TMX1: variants seen among roughly 807,000 people sequenced by gnomAD.
TMX1 encodes thioredoxin-related transmembrane protein 1.
TMX1 carries 25 observed loss-of-function variants against 36.6 expected under a neutral mutation model. That is an observed-to-expected ratio of 0.68 (90% CI 0.50 to 0.95). The LOEUF is 0.95. Among genes scored for constraint, TMX1 ranks in the 40% least tolerant of loss-of-function variants. The pLI, the probability that TMX1 is intolerant of heterozygous loss-of-function variation, is 0.00. For missense variants in TMX1, 347 were observed against 339.6 expected, an observed-to-expected ratio of 1.02 and a Z score of -0.17; for synonymous variants, 133 against 118.0, an observed-to-expected ratio of 1.13 and a Z score of -0.82.
intron 7 of TMX1, among the ~76,000 whole-genome samples, chr14:51,250,994 C>T (rs112228315): frequency 0.011 from 1,716 of 152,130 alleles, 24 homozygotes; most frequent in East Asian, 0.065. Flanking sequence ...AGGAAAAAAA[C>T]GTAAGCACAG....
intron 2 of TMX1, 150 bp from the exon 3 acceptor site, chr14:51,245,163 T>A: frequency 1.1e-6 from 1 of 919,892 alleles, no homozygotes; most frequent in South Asian, 1.8e-5. Flanking sequence ...AAGTACATAA[T>A]TCATTTTTAA....
chr14:51,247,043 T>C lies in TMX1; in HGVS notation c.315-49T>C, dbSNP rs751677525. 1.8e-5 allele frequency: 27 copies of C among 1,510,568 alleles called. No individual in the cohort carries two copies. The South Asian group carries it at 2.9e-4, about 16-fold the overall frequency. The allele number at this position is 1,510,568 out of a possible 1,614,324, so 93.6% of individuals were successfully genotyped here. ...AAGTGAAAAAATAGCAAAATAAATA[T>C]TAAATTATTTCTCAGTGCTGGATAA... On this transcript the variant is annotated intron_variant, in intron 3 of 7. Coordinates refer to ENST00000457354, the MANE Select transcript of TMX1 (RefSeq NM_030755.5).
intron 1 of TMX1, among the ~76,000 whole-genome samples, chr14:51,240,772 G>A (rs1278251857): frequency 6.6e-6 from 1 of 152,138 alleles, no homozygotes; most frequent in Non-Finnish European, 1.5e-5. Flanking sequence ...GGAGGGAGGT[G>A]TCCGACTCGT....
chr14:51,241,912 G>A (rs1309013758), intron 1 of TMX1, among the ~76,000 whole-genome samples: 3 of 152,172 alleles, frequency 2.0e-5, no homozygotes, highest in African/African-American at 4.8e-5. Flanking sequence ...GGTGGATCAC[G>A]AGGTGAGGAG....
At chr14:51,242,128 CAA>C (rs959979800) in intron 1 of TMX1, among the ~76,000 whole-genome samples, 1 of 149,690 alleles carries the variant, frequency 6.7e-6, no homozygotes, top group Non-Finnish European at 1.5e-5. Flanking sequence ...GACTCAATCT[CAA>C]AAAAAAAGTA....
chr14:51,248,665 G>A (rs1015604505), intron 4 of TMX1, among the ~76,000 whole-genome samples: 18 of 152,158 alleles, frequency 1.2e-4, no homozygotes, highest in African/African-American at 4.3e-4. Flanking sequence ...GAAAGTAGTT[G>A]CTTGTAAGTC....
At chr14:51,248,766 A>G (rs1482150873) in intron 4 of TMX1, among the ~76,000 whole-genome samples, 1 of 152,232 alleles carries the variant, frequency 6.6e-6, no homozygotes, top group Non-Finnish European at 1.5e-5. Flanking sequence ...TATGTAAAAT[A>G]CTAATTTTTG....
intron 7 of TMX1, among the ~76,000 whole-genome samples, chr14:51,251,530 A>G (rs1041995015): frequency 6.6e-6 from 1 of 152,178 alleles, no homozygotes; most frequent in Non-Finnish European, 1.5e-5. Flanking sequence ...TAAGTGTGCA[A>G]CTAGCATTGG....
chr14:51,247,757 C>G (rs2065793363), intron 4 of TMX1, among the ~76,000 whole-genome samples: 1 of 152,142 alleles, frequency 6.6e-6, no homozygotes, highest in South Asian at 2.1e-4. Flanking sequence ...TACACCTTTT[C>G]AGGAATATTT....
rs2065754613 is a variant in TMX1 at position 51,240,410 on chromosome 14, A to C, written c.118A>C (p.Arg40=). Residue 40 remains arginine (R), a synonymous_variant, in exon 1 of 8, where the codon AGA becomes CGA. Transcript: ENST00000457354. ...NVRVITDENW[R]ELLEGDWMIE... is the part of the protein sequence containing the mutation. Reference sequence around the variant, plus strand: ...TCGCGTCATCACGGACGAGAACTGGAGAGAACTGCTGGAAGGAGACTGGAT... The same window carrying C: ...TCGCGTCATCACGGACGAGAACTGGCGAGAACTGCTGGAAGGAGACTGGAT... 1.2e-6 allele frequency: 2 copies of C among 1,613,874 alleles called. No homozygotes were observed. The highest frequency in any genetic ancestry group is 1.1e-5 in the South Asian group (1 of 91,092).
rs1208317300 is a variant in TMX1, at chr14:51,255,834, G to GT, written c.*1316dup. On this transcript the variant is annotated 3_prime_UTR_variant, in exon 8 of 8. Transcript: ENST00000457354. Reference sequence around the variant, plus strand: ...CAATGAATCAACTGACCATTACGTAGTAGACAATTTCTGTAATGTCCCCTT... The same window carrying GT: ...CAATGAATCAACTGACCATTACGTAGTTAGACAATTTCTGTAATGTCCCCTT... The GT allele has an allele frequency of 6.6e-6, 1 of 152,246 alleles. No individual in the cohort carries two copies. Among genetic ancestry groups the GT allele is most frequent in the Admixed American group, 6.5e-5 (1 of 15,272 alleles). The allele number at this position is 152,246 out of a possible 1,614,324, so 9.4% of individuals were successfully genotyped here. A position where few individuals can be genotyped will look rare whatever the true frequency, so the allele number is the denominator to read the frequency against.
In TMX1 at chr14:51,254,888, G is replaced by C. The variant is rs1190453830; in HGVS notation, c.*369G>C. 1 of 154,924 alleles carries C rather than the reference G, an allele frequency of 6.5e-6. No homozygotes were observed. Among genetic ancestry groups the C allele is most frequent in the African/African-American group, 2.4e-5 (1 of 41,486 alleles). 9.6% of individuals were successfully genotyped at this position (154,924 alleles called of 1,614,324 possible). On this transcript the variant is annotated 3_prime_UTR_variant, in exon 8 of 8. Transcript: ENST00000457354. ...TTTTAGAGAAAAATATTTCTCATTTGATATAATTTTTCTCTGTTTCACTGT... is the reference window on the plus strand; with the variant it reads ...TTTTAGAGAAAAATATTTCTCATTTCATATAATTTTTCTCTGTTTCACTGT...
chr14:51,246,617 C>A (rs2065786994), intron 3 of TMX1, among the ~76,000 whole-genome samples: 1 of 152,134 alleles, frequency 6.6e-6, no homozygotes, highest in African/African-American at 2.4e-5. Context: ...AAGGGAAGCA[C>A]CATACCAGAT....
intron 1 of TMX1, among the ~76,000 whole-genome samples, chr14:51,241,537 G>A (rs1596403306): frequency 6.6e-6 from 1 of 152,112 alleles, no homozygotes; most frequent in Non-Finnish European, 1.5e-5. Flanking sequence ...CTTCAGAGTA[G>A]GCATACAATA....
intron 1 of TMX1, among the ~76,000 whole-genome samples, chr14:51,242,277 C>G (rs551595416): frequency 6.6e-6 from 1 of 152,290 alleles, no homozygotes; most frequent in East Asian, 1.9e-4. Flanking sequence ...CAGTCATCAT[C>G]ATGAGTAACT....
intron 7 of TMX1, among the ~76,000 whole-genome samples, chr14:51,253,716 A>T (rs752730261): frequency 1.7e-4 from 26 of 152,202 alleles, no homozygotes; most frequent in Non-Finnish European, 3.5e-4. Flanking sequence ...TGTACATTTT[A>T]TTCTTGTAAC....
At chr14:51,253,104 C>T (rs969938296) in intron 7 of TMX1, among the ~76,000 whole-genome samples, 4 of 152,172 alleles carry the variant, frequency 2.6e-5, no homozygotes, top group Admixed American at 1.3e-4. Flanking sequence ...GTGCACTCTG[C>T]TTGTGTAAAG....
At position 51,257,388 on chromosome 14, in the gene TMX1, T is replaced by C. The variant is rs1244638365; in HGVS notation, c.*2869T>C. On this transcript the variant is annotated 3_prime_UTR_variant, in exon 8 of 8. Transcript: ENST00000457354. The stretch of plus-strand genomic sequence containing the variant: ...ACATTTTGGCTCATATTTTATGACA[T>C]TGTAGTTCATCCCCATGGTCAATTT... 1.3e-5 allele frequency: 2 copies of C among 152,312 alleles called. No homozygotes were observed. The highest frequency in any genetic ancestry group is 3.9e-4 in the East Asian group (2 of 5,190). 9.4% of individuals were successfully genotyped at this position (152,312 alleles called of 1,614,324 possible). A position where few individuals can be genotyped will look rare whatever the true frequency, so the allele number is the denominator to read the frequency against.
chr14:51,249,204 C>T (rs1356830802), intron 4 of TMX1, 122 bp from the exon 5 acceptor site: 6 of 733,390 alleles, frequency 8.2e-6, no homozygotes, highest in Admixed American at 3.1e-5. Flanking sequence ...AGTGATGTGT[C>T]ACTAGTCTTG....
Sources: gnomAD v4.1 joint callset for allele counts (sites outside exome capture counted in the v4.1 genomes callset) on GRCh38, gnomAD v4.1.1 for gene constraint, MANE v1.5 for transcripts, NCBI Gene and HGNC (gene_info 2026-07-23, HGNC 2026-07-21) for gene names.